Variants in BAZ2B observed in about 807,000 individuals in gnomAD.
BAZ2B encodes bromodomain adjacent to zinc finger domain protein 2B.
Under a neutral mutation model 246.0 loss-of-function variants are expected in BAZ2B, and 91 were observed. That is an observed-to-expected ratio of 0.37 (90% CI 0.31 to 0.44). The LOEUF (loss-of-function observed/expected upper bound fraction) is 0.44, where lower values mean the gene tolerates loss of function less well. Ranked by LOEUF, BAZ2B falls within the 20% of genes least tolerant of loss-of-function variation. BAZ2B has a pLI of 1.00. For missense variants in BAZ2B, 2,332 were observed against 2,533.7 expected, an observed-to-expected ratio of 0.92 and a Z score of 1.71; for synonymous variants, 855 against 860.0, an observed-to-expected ratio of 0.99 and a Z score of 0.10.
At chr2:159,687,658 T>C in the BAZ2B span, among the ~76,000 whole-genome samples, 1 of 152,208 alleles carries the variant, frequency 6.6e-6, no homozygotes, top group Non-Finnish European at 1.5e-5. Flanking sequence ...TATAATAAAC[T>C]GGTAATAGTA....
At chr2:159,384,702 CTA>C (rs142496067) in intron 23 of BAZ2B, among the ~76,000 whole-genome samples, 4,563 of 152,044 alleles carry the variant, frequency 0.03, 101 homozygotes, top group East Asian at 0.069. Context: ...AATAAATACT[CTA>C]TGGTTCTATT....
chr2:159,508,516 T>C (rs2082573281), intron 2 of BAZ2B, among the ~76,000 whole-genome samples: 1 of 152,196 alleles, frequency 6.6e-6, no homozygotes, highest in African/African-American at 2.4e-5. Flanking sequence ...GTCTAACTTT[T>C]GTTAATGATT....
At chr2:159,516,598 T>C (rs1224978132) in intron 2 of BAZ2B, 3 of 152,562 alleles carry the variant, frequency 2.0e-5, no homozygotes, top group Non-Finnish European at 4.4e-5. Flanking sequence ...TGTAATGAGA[T>C]ACTGTCGGAG....
In BAZ2B at chr2:159,432,846, G is replaced by C. The variant is rs2071402776; in HGVS notation, c.1811C>G (p.Ser604Cys). ...TDSDIPSSKD[S>C]EDSNEDEEED... ...CTCTTCATCCTCATTTGAATCTTCA[G>C]AATCTTTACTACTGGGAATGTCTGA... The change falls in exon 9 of 37, where the codon TCT (serine) becomes TGT (cysteine). Residue 604 changes from serine to cysteine, a missense_variant. Coordinates refer to ENST00000392783, the MANE Select transcript of BAZ2B (RefSeq NM_013450.4). 6.2e-7 allele frequency: 1 copy of C among 1,614,012 alleles called. No individual in the cohort carries two copies. The highest frequency in any genetic ancestry group is 2.2e-5 in the East Asian group (1 of 44,874).
chr2:159,390,896 A>T (rs1425541410), intron 20 of BAZ2B, among the ~76,000 whole-genome samples: 1 of 152,188 alleles, frequency 6.6e-6, no homozygotes, highest in Non-Finnish European at 1.5e-5. Context: ...GATTGTTGAC[A>T]CCAGCAAAGT....
intron 14 of BAZ2B, among the ~76,000 whole-genome samples, chr2:159,406,611 T>C (rs1206727586): frequency 6.6e-6 from 1 of 152,108 alleles, no homozygotes; most frequent in Non-Finnish European, 1.5e-5. Flanking sequence ...TTATACATTG[T>C]TTAAATTTTG....
At chr2:159,709,498 T>C in the BAZ2B span, among the ~76,000 whole-genome samples, 1 of 152,222 alleles carries the variant, frequency 6.6e-6, no homozygotes, top group African/African-American at 2.4e-5. Context: ...TAGATGATGG[T>C]TATCCTAAAT....
At chr2:159,538,530 G>A (rs2086283279) in intron 2 of BAZ2B, among the ~76,000 whole-genome samples, 1 of 152,096 alleles carries the variant, frequency 6.6e-6, no homozygotes, top group Admixed American at 6.6e-5. Flanking sequence ...CATTCCAGTT[G>A]TACAGGCATT....
At chr2:159,550,196 T>C (rs1559751019) in intron 2 of BAZ2B, among the ~76,000 whole-genome samples, 2 of 152,214 alleles carry the variant, frequency 1.3e-5, no homozygotes, top group Non-Finnish European at 2.9e-5. Context: ...AGGATTAGTT[T>C]TGGCCAGGAG....
At chr2:159,686,922 G>C in the BAZ2B span, among the ~76,000 whole-genome samples, 3 of 151,434 alleles carry the variant, frequency 2.0e-5, no homozygotes, top group Middle Eastern at 6.8e-3. Context: ...GGTGCCTGTA[G>C]TCCCAGCTCC....
At chr2:159,448,520 C>A (rs1188834547) in intron 4 of BAZ2B, 111 bp from the exon 5 acceptor site, 3 of 1,261,444 alleles carry the variant, frequency 2.4e-6, no homozygotes, top group Non-Finnish European at 2.1e-6. Flanking sequence ...CATCTTGGAA[C>A]AAAACTGAAT....
Position 159,382,662 on chromosome 2 carries a change from T to C in BAZ2B, c.3902A>G (p.Asp1301Gly). 1 of 1,602,958 alleles carries C rather than the reference T, an allele frequency of 6.2e-7. No individual in the cohort carries two copies. Among genetic ancestry groups the C allele is most frequent in the Non-Finnish European group, 8.5e-7 (1 of 1,173,252 alleles). ...GTCATCACTGTCATCGTCATCATCA[T>C]CGTCATAATCACTGTCTCCTCCCTT... ...RRKGGDSDYD[D>G]DDDDDSDDQG... Residue 1301 changes from aspartate (D) to glycine (G), a missense_variant, in exon 25 of 37, where the codon GAT becomes GGT. By Grantham distance (94) the Asp-to-Gly change is moderately conservative. Around this residue, in one of 9 missense-constraint regions of BAZ2B, gnomAD observed 676 missense variants for 668.6 expected, o/e 1.01. Transcript: ENST00000392783.
intron 35 of BAZ2B, 109 bp from the exon 36 acceptor site, chr2:159,325,063 T>C (rs1558941975): frequency 2.5e-3 from 4 of 1,598 alleles, no homozygotes; most frequent in Non-Finnish European, 4.3e-3. Context: ...ATATATATTA[T>C]ATATATATAT....
chr2:159,663,057 GT>G, the BAZ2B span, among the ~76,000 whole-genome samples: 2 of 151,952 alleles, frequency 1.3e-5, no homozygotes, highest in Non-Finnish European at 2.9e-5. Context: ...CAAGATACAA[GT>G]TTCTTATTAA....
At chr2:159,614,469 A>G (rs1695425739) in intron 1 of BAZ2B, among the ~76,000 whole-genome samples, 1 of 152,128 alleles carries the variant, frequency 6.6e-6, no homozygotes, top group African/African-American at 2.4e-5. Context: ...GAAAAAGAAA[A>G]CCCCAGAACA....
At chr2:159,556,193 A>G (rs1042092972) in intron 1 of BAZ2B, among the ~76,000 whole-genome samples, 3 of 152,232 alleles carry the variant, frequency 2.0e-5, no homozygotes, top group African/African-American at 7.2e-5. Context: ...CGTACTCAGA[A>G]GAGAAAAACA....
At chr2:159,459,712 C>CA (rs1306788213) in intron 3 of BAZ2B, 1 of 152,088 alleles carries the variant, frequency 6.6e-6, no homozygotes, top group Non-Finnish European at 1.5e-5. Flanking sequence ...AAATGAAATA[C>CA]AGCTCAAGTC....
intron 21 of BAZ2B, among the ~76,000 whole-genome samples, chr2:159,388,501 G>A (rs1453477642): frequency 6.6e-6 from 1 of 152,102 alleles, no homozygotes; most frequent in Non-Finnish European, 1.5e-5. Context: ...TATAGGCTCT[G>A]GAGTTTAACA....
intron 1 of BAZ2B, among the ~76,000 whole-genome samples, chr2:159,604,149 C>G (rs1316215666): frequency 4.6e-5 from 7 of 152,282 alleles, no homozygotes. Context: ...GCAAGTTGTA[C>G]AGCTGCATAT....
Sources: allele counts gnomAD v4.1 joint callset (sites outside exome capture counted in the v4.1 genomes callset), GRCh38; gene constraint gnomAD v4.1.1; regional missense constraint gnomAD v4.1.1; transcripts MANE v1.5; gene names NCBI Gene and HGNC (gene_info 2026-07-23, HGNC 2026-07-21).